TRPS1: variants seen among roughly 807,000 people sequenced by gnomAD.
The protein encoded by TRPS1 is zinc finger transcription factor Trps1.
TRPS1 carries 6 observed loss-of-function variants against 101.2 expected under a neutral mutation model. The observed-to-expected ratio is 0.06, with a 90% CI of 0.03 to 0.12. The LOEUF is 0.12. Ranked by LOEUF, TRPS1 falls within the 10% of genes least tolerant of loss-of-function variation. The probability of loss-of-function intolerance (pLI) is 1.00; values close to 1 mark genes in which losing one functional copy is unlikely to be tolerated. For synonymous variants in TRPS1, 578 were observed against 589.8 expected (o/e 0.98, Z 0.29); for missense variants, 1,363 against 1,567.0 (o/e 0.87, Z 2.20).
intron 5 of TRPS1, among the ~76,000 whole-genome samples, chr8:115,441,962 C>T (rs2129883552): frequency 1.3e-5 from 2 of 150,622 alleles, no homozygotes; most frequent in South Asian, 4.2e-4. Context: ...TGGCTTTTCT[C>T]CACAAGTTTT....
intron 4 of TRPS1, among the ~76,000 whole-genome samples, chr8:115,600,759 C>T (rs914983465): frequency 5.3e-5 from 8 of 151,678 alleles, no homozygotes; most frequent in African/African-American, 1.9e-4. Flanking sequence ...AGTAATCCTC[C>T]TACTCGTGCC....
chr8:115,432,749 G>T (rs973132327), intron 5 of TRPS1, among the ~76,000 whole-genome samples: 55 of 151,906 alleles, frequency 3.6e-4, no homozygotes, highest in African/African-American at 1.2e-3. Context: ...ATAGATTTGT[G>T]TAAGTTTACA....
intron 5 of TRPS1, chr8:115,515,257 G>A (rs866946751): frequency 1.4e-5 from 10 of 697,864 alleles, no homozygotes; most frequent in Non-Finnish European, 2.6e-5. Flanking sequence ...ACTGCTCTTC[G>A]GGAGTCATCC....
intron 4 of TRPS1, 63 bp from the exon 5 acceptor site, chr8:115,587,667 A>G (rs1817597435): frequency 1.2e-6 from 2 of 1,609,342 alleles, no homozygotes; most frequent in Admixed American, 1.7e-5. Context: ...TATTTTTAAT[A>G]GCCTTTAAGC....
intron 5 of TRPS1, among the ~76,000 whole-genome samples, chr8:115,571,706 A>C (rs1272373864): frequency 6.6e-6 from 1 of 152,162 alleles, no homozygotes; most frequent in African/African-American, 2.4e-5. Flanking sequence ...AAAATAAGCC[A>C]CTGGGTTAAA....
chr8:115,644,149 C>T (rs1174428945), intron 1 of TRPS1, among the ~76,000 whole-genome samples: 2 of 152,186 alleles, frequency 1.3e-5, no homozygotes, highest in Admixed American at 1.3e-4. Context: ...GTCCCAGAAT[C>T]TTTGGAATGC....
In TRPS1 at chr8:115,629,513, C is replaced by T. The variant is rs1586474495; in HGVS notation, c.-121-5755G>A. 3.3e-5 allele frequency among the ~76,000 whole-genome samples: 5 copies of T among 151,902 alleles called. No individual in the cohort carries two copies. In the South Asian group the frequency reaches 8.3e-4, roughly 25 times the overall value. ...AGCTAAATAGATTATACAGATATCA[C>T]TGCATAAAGAAGCTCTATTTTTTCA... On this transcript the variant is annotated intron_variant, in intron 1 of 6. Transcript: ENST00000395715.
At position 115,414,658 on chromosome 8, in the gene TRPS1, A is replaced by G; in HGVS notation, c.3250T>C (p.Tyr1084His). 6.2e-7 allele frequency: 1 copy of G among 1,614,068 alleles called. No homozygotes were observed. The highest frequency in any genetic ancestry group is 8.5e-7 in the Non-Finnish European group (1 of 1,179,962). ...SSERGSPIEK[Y>H]MRPAKHPNYS... ...TTTGGGTGTTTCGCAGGTCTCATGT[A>G]CTTTTCTATAGGACTGCCTCTCTCA... Residue 1084 changes from tyrosine (Y) to histidine (H), a missense_variant, in exon 7 of 7, where the codon TAC (tyrosine) becomes CAC (histidine). Physicochemically the swap from Tyr to His is moderately conservative, Grantham distance 83. Transcript: ENST00000395715. The surrounding 1 kb of genome is among the most constrained non-coding windows in gnomAD (Gnocchi z 4.8).
intron 5 of TRPS1, among the ~76,000 whole-genome samples, chr8:115,443,148 T>G (rs1303949349): frequency 1.3e-5 from 2 of 151,946 alleles, no homozygotes; most frequent in African/African-American, 4.8e-5. Flanking sequence ...CATATTCCTG[T>G]AGTCCCAGCT....
Position 115,412,127 on chromosome 8 carries a change from GAT to G in TRPS1, c.*1894_*1895del, listed in dbSNP as rs1288785998. On this transcript the variant is annotated 3_prime_UTR_variant, in exon 7 of 7. Transcript: ENST00000395715. ...AACATAGACAAAGCAATAAAAAGAGGATATATGTTTATCATCTTAAGCATAAC... is the reference window on the plus strand; with the variant it reads ...AACATAGACAAAGCAATAAAAAGAGGATATGTTTATCATCTTAAGCATAAC... 1.3e-5 allele frequency: 2 copies of G among 151,572 alleles called. No homozygotes were observed. The highest frequency in any genetic ancestry group is 4.9e-5 in the African/African-American group (2 of 41,068). The allele number at this position is 151,572 out of a possible 1,614,324, so 9.4% of individuals were successfully genotyped here. A position where few individuals can be genotyped will look rare whatever the true frequency, so the allele number is the denominator to read the frequency against.
intron 5 of TRPS1, among the ~76,000 whole-genome samples, chr8:115,433,493 G>C (rs890756356): frequency 1.3e-5 from 2 of 151,846 alleles, no homozygotes; most frequent in Non-Finnish European, 2.9e-5. Flanking sequence ...CTCTCTTAAT[G>C]GTAAAAGCAG....
At chr8:115,526,240 TG>T (rs1815995415) in intron 5 of TRPS1, among the ~76,000 whole-genome samples, 1 of 151,816 alleles carries the variant, frequency 6.6e-6, no homozygotes, top group Admixed American at 6.6e-5. Context: ...ACCCGGGAGC[TG>T]GAGGTTGCAG....
intron 5 of TRPS1, among the ~76,000 whole-genome samples, chr8:115,540,100 G>GAATTTAT (rs1816416796): frequency 6.6e-6 from 1 of 152,078 alleles, no homozygotes; most frequent in Admixed American, 6.5e-5. Context: ...TTAGAATTTA[G>GAATTTAT]AATTCATAAT....
chr8:115,475,785 G>A (rs1814590324), intron 5 of TRPS1, among the ~76,000 whole-genome samples: 1 of 151,942 alleles, frequency 6.6e-6, no homozygotes, highest in Non-Finnish European at 1.5e-5. Flanking sequence ...CAAAACAAAA[G>A]TAGTCTCCCA....
intron 5 of TRPS1, among the ~76,000 whole-genome samples, chr8:115,455,324 G>A (rs1211468896): frequency 4.6e-5 from 7 of 152,192 alleles, no homozygotes; most frequent in African/African-American, 9.7e-5. Context: ...AGGAGTTCAC[G>A]TACTTAATGT....
At chr8:115,562,044 T>C (rs1816957398) in intron 5 of TRPS1, among the ~76,000 whole-genome samples, 1 of 152,062 alleles carries the variant, frequency 6.6e-6, no homozygotes, top group Non-Finnish European at 1.5e-5. Flanking sequence ...TAAGCAGTTA[T>C]AATACATCAA....
intron 5 of TRPS1, among the ~76,000 whole-genome samples, chr8:115,570,273 A>C (rs1368302644): frequency 6.6e-6 from 1 of 152,164 alleles, no homozygotes; most frequent in Admixed American, 6.6e-5. Context: ...ACAAAGTAAT[A>C]ATTTACTAAT....
intron 5 of TRPS1, among the ~76,000 whole-genome samples, chr8:115,566,964 C>T (rs1441053776): frequency 1.3e-5 from 2 of 152,062 alleles, no homozygotes; most frequent in Admixed American, 6.6e-5. Flanking sequence ...CATTCTAATA[C>T]CATATATGTT....
chr8:115,496,726 C>T (rs2130124586), intron 5 of TRPS1, among the ~76,000 whole-genome samples: 1 of 152,202 alleles, frequency 6.6e-6, no homozygotes, highest in African/African-American at 2.4e-5. Flanking sequence ...TTCACAACCA[C>T]AACAACAAAA....
Sources: gnomAD v4.1 joint callset for allele counts (sites outside exome capture counted in the v4.1 genomes callset) on GRCh38, gnomAD v4.1.1 for gene constraint, Gnocchi (gnomAD v3.1) non-coding constraint, MANE v1.5 for transcripts, NCBI Gene and HGNC (gene_info 2026-07-23, HGNC 2026-07-21) for gene names.